PDE4D: variants seen among roughly 807,000 people sequenced by gnomAD.
The protein encoded by PDE4D is 3',5'-cyclic-AMP phosphodiesterase 4D.
In PDE4D, 24 loss-of-function variants were observed where a neutral mutation model predicts 87.4. The ratio of observed to expected loss-of-function variants is 0.27; its 90% CI spans 0.20 to 0.39. The LOEUF (loss-of-function observed/expected upper bound fraction) is 0.39. PDE4D is among the 10% of genes least tolerant of loss of function. The pLI is 1.00. For synonymous variants in PDE4D, 384 were observed against 383.2 expected (o/e 1.00, Z -0.02); for missense variants, 714 against 1,041.0 (o/e 0.69, Z 4.32).
rs748914330 is a variant in PDE4D, at chr5:59,893,299, G to A, written c.324C>T (p.Gly108=). ...SGATGRVRHR[G]YSDTERYLYC... ...ACAGGTAGCGCTCGGTGTCCGAGTA[G>A]CCGCGATGCCGGACGCGGCCGGTGG... The change falls in exon 1 of 15, where the codon GGC becomes GGT. Residue 108 remains glycine (G), a synonymous_variant. Transcript: ENST00000340635. 1 of 1,534,252 alleles carries A rather than the reference G, an allele frequency of 6.5e-7. No homozygotes were observed. The highest frequency in any genetic ancestry group is 2.6e-5 in the East Asian group (1 of 38,904).
chr5:59,156,320 A>AATATATAT (rs1554082853), intron 5 of PDE4D, among the ~76,000 whole-genome samples: 1,516 of 81,572 alleles, frequency 0.019, 40 homozygotes, highest in Admixed American at 0.062. Flanking sequence ...AAAAAAAAAA[A>AATATATAT]ATATATATAT....
At chr5:59,486,781 G>C (rs1341442079) in intron 1 of PDE4D, among the ~76,000 whole-genome samples, 1 of 152,118 alleles carries the variant, frequency 6.6e-6, no homozygotes, top group Admixed American at 6.6e-5. Flanking sequence ...ATGGCCTATG[G>C]AGCGTTAATG....
intron 6 of PDE4D, among the ~76,000 whole-genome samples, chr5:58,997,046 A>T (rs138963781): frequency 9.3e-4 from 142 of 152,310 alleles, no homozygotes; most frequent in African/African-American, 3.2e-3. Context: ...TCATTTTAAC[A>T]TAATTATAAA....
intron 3 of PDE4D, among the ~76,000 whole-genome samples, chr5:59,187,600 G>C (rs375119149): frequency 2.0e-5 from 3 of 152,204 alleles, no homozygotes; most frequent in East Asian, 3.9e-4. Context: ...GTGAAAAAAG[G>C]AATCTGTCTT....
chr5:60,095,044 CTTAT>C (rs1367753593), intron 2 of PDE4D, among the ~76,000 whole-genome samples: 2 of 151,982 alleles, frequency 1.3e-5, no homozygotes, highest in Non-Finnish European at 2.9e-5. Context: ...TTTCTTTTTA[CTTAT>C]TTATTTACTT....
intron 2 of PDE4D, among the ~76,000 whole-genome samples, chr5:60,010,229 T>C (rs756227849): frequency 5.3e-5 from 8 of 152,160 alleles, no homozygotes; most frequent in African/African-American, 9.6e-5. Flanking sequence ...TTAACTTTTA[T>C]ATGTCTACTC....
intron 1 of PDE4D, among the ~76,000 whole-genome samples, chr5:59,861,026 ATT>A (rs33992679): frequency 7.4e-5 from 10 of 134,952 alleles, no homozygotes; most frequent in Admixed American, 2.2e-4. Flanking sequence ...CACCTAGATA[ATT>A]TTTTTTTTTT....
chr5:59,546,496 A>T (rs1412971959), intron 1 of PDE4D, among the ~76,000 whole-genome samples: 1 of 152,148 alleles, frequency 6.6e-6, no homozygotes, highest in East Asian at 1.9e-4. Flanking sequence ...TATGAATTGG[A>T]TTGGATATGA....
At chr5:59,566,575 T>A (rs867461157) in intron 1 of PDE4D, among the ~76,000 whole-genome samples, 16 of 54,682 alleles carry the variant, frequency 2.9e-4, no homozygotes, top group Non-Finnish European at 6.1e-4. Flanking sequence ...TGTGTGTGTG[T>A]GTGTGTGTGA....
At chr5:59,877,741 C>A (rs1190826484) in intron 1 of PDE4D, among the ~76,000 whole-genome samples, 2 of 152,022 alleles carry the variant, frequency 1.3e-5, no homozygotes, top group African/African-American at 2.4e-5. Context: ...ATCAGCTAAG[C>A]CCGGGACAAG....
chr5:59,180,353 A>T lies in PDE4D; in HGVS notation c.808+242T>A, dbSNP rs746630048. The T allele has an allele frequency of 8.8e-6, 6 of 681,724 alleles. No homozygotes were observed. In the South Asian group the frequency reaches 8.9e-5, roughly 10 times the overall value. The allele number at this position is 681,724 out of a possible 1,614,324, so 42.2% of individuals were successfully genotyped here. ...CCCAGAGCAATGCTCAAATGAGTATAAGCACATAGTTAAATGGTTAAAAAT... is the reference window on the plus strand; with the variant it reads ...CCCAGAGCAATGCTCAAATGAGTATTAGCACATAGTTAAATGGTTAAAAAT... On this transcript the variant is annotated intron_variant, in intron 5 of 14. Coordinates refer to ENST00000340635, the MANE Select transcript of PDE4D (RefSeq NM_001104631.2).
chr5:60,241,594 T>C (rs1361365124), intron 1 of PDE4D, among the ~76,000 whole-genome samples: 3 of 151,866 alleles, frequency 2.0e-5, no homozygotes, highest in Non-Finnish European at 4.4e-5. Flanking sequence ...AAGAAAAAAT[T>C]AGTGAGCTAG....
At chr5:59,661,411 G>A (rs1745235878) in intron 1 of PDE4D, among the ~76,000 whole-genome samples, 1 of 152,126 alleles carries the variant, frequency 6.6e-6, no homozygotes, top group Non-Finnish European at 1.5e-5. Flanking sequence ...AAAAATTAAT[G>A]ACAGATAAAG....
At chr5:59,935,812 T>C (rs1756502926) in intron 3 of PDE4D, among the ~76,000 whole-genome samples, 1 of 152,196 alleles carries the variant, frequency 6.6e-6, no homozygotes, top group Admixed American at 6.5e-5. Flanking sequence ...CTGCATAGTA[T>C]TCCATGGTGT....
intron 1 of PDE4D, among the ~76,000 whole-genome samples, chr5:59,418,105 C>T (rs912718919): frequency 2.0e-5 from 3 of 152,168 alleles, no homozygotes; most frequent in African/African-American, 7.2e-5. Flanking sequence ...TCATTAGTCT[C>T]CTTACTCTAG....
At chr5:59,493,054 G>T (rs972713660) in intron 1 of PDE4D, among the ~76,000 whole-genome samples, 7 of 152,042 alleles carry the variant, frequency 4.6e-5, no homozygotes, top group East Asian at 1.9e-4. Context: ...TGATCTATAT[G>T]GTCAATTCAG....
chr5:59,279,452 T>G (rs1224876982), intron 1 of PDE4D, among the ~76,000 whole-genome samples: 1 of 152,102 alleles, frequency 6.6e-6, no homozygotes. Flanking sequence ...TACAGTTGGA[T>G]TCAAGGACTT....
chr5:60,186,643 G>A (rs548434189), intron 1 of PDE4D, among the ~76,000 whole-genome samples: 1 of 152,182 alleles, frequency 6.6e-6, no homozygotes, highest in East Asian at 1.9e-4. Flanking sequence ...GGTGTAGGCT[G>A]ATGCTAACAG....
At chr5:59,436,999 C>T in intron 1 of PDE4D, among the ~76,000 whole-genome samples, 1 of 152,154 alleles carries the variant, frequency 6.6e-6, no homozygotes, top group Non-Finnish European at 1.5e-5. Context: ...GTCCAAGTGC[C>T]ATTTAACAGG....
Sources: allele counts gnomAD v4.1 joint callset (sites outside exome capture counted in the v4.1 genomes callset), GRCh38; gene constraint gnomAD v4.1.1; transcripts MANE v1.5; gene names NCBI Gene and HGNC (gene_info 2026-07-23, HGNC 2026-07-21).